The following PRPF18 variants were observed in gnomAD, a reference collection of about 807,000 sequenced individuals.
PRPF18 encodes pre-mRNA-splicing factor 18.
In PRPF18, 38 loss-of-function variants were observed where a neutral mutation model predicts 46.5. That is an observed-to-expected ratio of 0.82 (90% CI 0.63 to 1.07). The LOEUF is 1.07. Among genes scored for constraint, PRPF18 ranks in the 50% least tolerant of loss-of-function variants. PRPF18 has a pLI of 0.00. For missense variants in PRPF18, 263 were observed against 410.0 expected (o/e 0.64, Z 3.10); for synonymous variants, 152 against 146.7 (o/e 1.04, Z -0.26).
chr10:13,590,135 T>G (rs752042585), intron 1 of PRPF18, among the ~76,000 whole-genome samples: 19 of 152,084 alleles, frequency 1.2e-4, no homozygotes, highest in Non-Finnish European at 2.2e-4. Context: ...AAAAAAACTT[T>G]AGATTCTTCA....
intron 9 of PRPF18, among the ~76,000 whole-genome samples, chr10:13,628,993 TA>T (rs1348194373): frequency 3.9e-5 from 6 of 152,184 alleles, no homozygotes; most frequent in Non-Finnish European, 2.9e-5. Flanking sequence ...ATGAGAAAGC[TA>T]AGAAGAATAA....
At chr10:13,594,254 A>G (rs1355367452) in intron 1 of PRPF18, among the ~76,000 whole-genome samples, 1 of 152,250 alleles carries the variant, frequency 6.6e-6, no homozygotes, top group African/African-American at 2.4e-5. Context: ...GAGAAAAGTG[A>G]CATTGTTTTA....
chr10:13,644,882 T>C, the PRPF18 span: 1 of 152,274 alleles, frequency 6.6e-6, no homozygotes. Flanking sequence ...CCTAGAATCA[T>C]TTAATAATGT....
chr10:13,637,299 T>G, the PRPF18 span: 1 of 152,028 alleles, frequency 6.6e-6, no homozygotes, highest in African/African-American at 2.4e-5. Flanking sequence ...ACAGCAGGAG[T>G]TGAGAGTTCC....
the PRPF18 span, chr10:13,638,524 G>A: frequency 2.6e-5 from 4 of 152,090 alleles, no homozygotes; most frequent in African/African-American, 9.7e-5. Context: ...AAAGTTGGTG[G>A]TGTAGCTCCC....
Position 13,586,996 on chromosome 10 carries a change from C to A in PRPF18, c.-91C>A, listed in dbSNP as rs893718940. On this transcript the variant is annotated 5_prime_UTR_variant, in exon 1 of 10. Transcript: ENST00000378572. ...TCTCAGGTGTTTGGGCTTGTTGTTC[C>A]GTATACTCAGTGGGTTCGCGGCCGC... 7.6e-7 allele frequency: 1 copy of A among 1,309,954 alleles called. No homozygotes were observed. The allele number at this position is 1,309,954 out of a possible 1,614,324, so 81.1% of individuals were successfully genotyped here.
chr10:13,618,413 A>AG (rs1179380790), intron 9 of PRPF18, among the ~76,000 whole-genome samples: 1 of 152,028 alleles, frequency 6.6e-6, no homozygotes, highest in Non-Finnish European at 1.5e-5. Flanking sequence ...AGATTGCCTG[A>AG]GGCCAGGAGT....
Position 13,614,146 on chromosome 10 carries a change from A to G in PRPF18, c.792+60A>G. 3.2e-6 allele frequency: 4 copies of G among 1,267,384 alleles called. No homozygotes were observed. The South Asian group carries it at 6.2e-5, about 20-fold the overall frequency. 78.5% of individuals were successfully genotyped at this position (1,267,384 alleles called of 1,614,324 possible). On this transcript the variant is annotated intron_variant, in intron 8 of 9. Transcript: ENST00000378572. ...AGTATATCTAGGTTATGTACGTAATATAATGTTCATTTGGGATAGGAGGAT... is the reference window on the plus strand; with the variant it reads ...AGTATATCTAGGTTATGTACGTAATGTAATGTTCATTTGGGATAGGAGGAT...
chr10:13,652,070 A>G, the PRPF18 span: 1 of 775,534 alleles, frequency 1.3e-6, no homozygotes, highest in East Asian at 2.4e-5. Flanking sequence ...TTATTAATAT[A>G]TCCGAAAGGC....
chr10:13,621,500 C>G, intron 9 of PRPF18, among the ~76,000 whole-genome samples: 1 of 152,174 alleles, frequency 6.6e-6, no homozygotes, highest in East Asian at 1.9e-4. Context: ...CCACTCTCCT[C>G]CTTTGCCTTC....
rs182792838 is a variant in PRPF18 at position 13,621,497 on chromosome 10, C to T, written c.948+4944C>T. ...CTCCCTAGGTTCCAGTGGCCACTCT[C>T]CTCCTTTGCCTTCAGAATTTGGGCT... is the stretch of plus-strand genomic sequence containing the variant. On this transcript the variant is annotated intron_variant, in intron 9 of 9. Transcript: ENST00000378572. Among the ~76,000 whole-genome samples, 76 of 152,296 alleles carry T rather than the reference C, an allele frequency of 5.0e-4. No individual in the cohort carries two copies. In the South Asian group the frequency reaches 0.012, roughly 24 times the overall value.
chr10:13,610,213 C>G, intron 5 of PRPF18, 28 bp downstream of exon 5: 1 of 1,598,808 alleles, frequency 6.3e-7, no homozygotes, highest in Non-Finnish European at 8.5e-7. Flanking sequence ...CCCAGCACAT[C>G]CCTGGCACCC....
At chr10:13,638,147 T>A in the PRPF18 span, 4 of 152,326 alleles carry the variant, frequency 2.6e-5, no homozygotes, top group Admixed American at 2.6e-4. Flanking sequence ...GGAAACCTGT[T>A]GCTTTACTAA....
chr10:13,617,713 C>T (rs1205687450), intron 9 of PRPF18, among the ~76,000 whole-genome samples: 2 of 152,168 alleles, frequency 1.3e-5, no homozygotes, highest in African/African-American at 2.4e-5. Context: ...GTGATTTTCA[C>T]CTCCCCGAGG....
chr10:13,596,279 A>G (rs1220339177), intron 1 of PRPF18, among the ~76,000 whole-genome samples: 3 of 152,206 alleles, frequency 2.0e-5, no homozygotes, highest in Admixed American at 6.5e-5. Context: ...TCTTCCCTAC[A>G]TTTAACAAGG....
downstream of PRPF18, among the ~76,000 whole-genome samples, chr10:13,633,323 A>G (rs565635150): frequency 6.6e-6 from 1 of 152,316 alleles, no homozygotes; most frequent in Admixed American, 6.5e-5. Flanking sequence ...TGATAGCAGT[A>G]TGACTTTTAA....
At chr10:13,600,099 C>T (rs1217363768) in intron 2 of PRPF18, 145 bp from the exon 3 acceptor site, 2 of 609,606 alleles carry the variant, frequency 3.3e-6, no homozygotes, top group African/African-American at 1.9e-5. Flanking sequence ...AGCATGTACA[C>T]TTATTGTGAG....
At chr10:13,655,198 C>T in the PRPF18 span, 1 of 152,158 alleles carries the variant, frequency 6.6e-6, no homozygotes, top group African/African-American at 2.4e-5. Context: ...GTAAAGGAAT[C>T]CTTTCCATCA....
intron 9 of PRPF18, among the ~76,000 whole-genome samples, chr10:13,619,705 A>G (rs765549512): frequency 2.6e-5 from 4 of 152,178 alleles, no homozygotes; most frequent in African/African-American, 7.2e-5. Context: ...GAAATGAGCA[A>G]TGCAGAAGCG....
Sources: allele counts gnomAD v4.1 joint callset (sites outside exome capture counted in the v4.1 genomes callset), GRCh38; gene constraint gnomAD v4.1.1; transcripts MANE v1.5; gene names NCBI Gene and HGNC (gene_info 2026-07-23, HGNC 2026-07-21).